Variants in DMD observed in about 807,000 individuals in gnomAD.
DMD encodes the protein mutant dystrophin.
A neutral mutation model predicts 330.1 loss-of-function variants in DMD; 63 were observed. The ratio of observed to expected loss-of-function variants is 0.19; its 90% CI spans 0.16 to 0.24. DMD has a LOEUF of 0.24. Among genes scored for constraint, DMD ranks in the 10% least tolerant of loss-of-function variants. The pLI, the probability that DMD is intolerant of heterozygous loss-of-function variation, is 1.00. For synonymous variants in DMD, 1,223 were observed against 959.8 expected, an observed-to-expected ratio of 1.27 and a Z score of -5.07; for missense variants, 3,344 against 2,684.1, an observed-to-expected ratio of 1.25 and a Z score of -5.43.
intron 9 of DMD, among the ~76,000 whole-genome samples, chrX:32,668,243 C>G (rs753279245): frequency 8.5e-4 from 95 of 111,825 alleles, no homozygotes; most frequent in African/African-American, 3.0e-3. Flanking sequence ...ATTTGCTTAT[C>G]AAATCTTGTT....
intron 49 of DMD, among the ~76,000 whole-genome samples, chrX:31,831,812 C>A (rs1023622082): frequency 8.9e-6 from 1 of 112,020 alleles, no homozygotes; most frequent in Admixed American, 9.4e-5. Flanking sequence ...CCATGTTAGC[C>A]AGGATGGTCT....
intron 44 of DMD, among the ~76,000 whole-genome samples, chrX:32,139,818 A>C (rs1017101254): frequency 2.7e-5 from 3 of 112,510 alleles, no homozygotes; most frequent in African/African-American, 9.7e-5. Flanking sequence ...CATTCTTAAA[A>C]CTTTATAGAA....
intron 47 of DMD, among the ~76,000 whole-genome samples, chrX:31,916,939 G>T (rs1348801743): frequency 8.9e-6 from 1 of 112,185 alleles, no homozygotes; most frequent in Non-Finnish European, 1.9e-5. Context: ...TTCTGTGGTC[G>T]GATGAATGTG....
chrX:31,241,498 A>G (rs752773902), intron 63 of DMD, among the ~76,000 whole-genome samples: 19 of 112,292 alleles, frequency 1.7e-4, no homozygotes, highest in South Asian at 1.1e-3. Flanking sequence ...ATGTAATTCA[A>G]TCAAATTCAT....
At chrX:33,239,026 G>C (rs971013452) in intron 1 of DMD, among the ~76,000 whole-genome samples, 2 of 109,787 alleles carry the variant, frequency 1.8e-5, no homozygotes, top group Non-Finnish European at 3.8e-5. Context: ...GGAGGCTGAG[G>C]GGGTTAGATC....
At chrX:31,938,313 C>T (rs915723899) in intron 45 of DMD, among the ~76,000 whole-genome samples, 4 of 111,658 alleles carry the variant, frequency 3.6e-5, no homozygotes, top group African/African-American at 9.8e-5. Context: ...CCAAAGGTGA[C>T]TATCCCATTT....
intron 9 of DMD, among the ~76,000 whole-genome samples, chrX:32,656,574 T>A (rs1441503696): frequency 8.9e-6 from 1 of 112,002 alleles, no homozygotes; most frequent in Non-Finnish European, 1.9e-5. Flanking sequence ...TATATGTGAG[T>A]TTAAAATAAA....
chrX:33,050,453 T>A (rs1026676612), intron 1 of DMD, among the ~76,000 whole-genome samples: 1 of 111,456 alleles, frequency 9.0e-6, no homozygotes, highest in Non-Finnish European at 1.9e-5. Flanking sequence ...CTGGAAAAAA[T>A]GCACGCAGAA....
At chrX:33,077,359 G>C (rs1335660760) in intron 1 of DMD, among the ~76,000 whole-genome samples, 1 of 111,357 alleles carries the variant, frequency 9.0e-6, no homozygotes, top group Non-Finnish European at 1.9e-5. Flanking sequence ...GAAGCAAGAT[G>C]GAGTCAGTTA....
At chrX:31,929,955 A>G (rs2094832638) in intron 46 of DMD, among the ~76,000 whole-genome samples, 1 of 111,471 alleles carries the variant, frequency 9.0e-6, no homozygotes. Context: ...TAGAAAATAA[A>G]CGATTATATT....
At chrX:32,333,631 G>A (rs771137711) in intron 41 of DMD, among the ~76,000 whole-genome samples, 11 of 110,415 alleles carry the variant, frequency 1.0e-4, no homozygotes, top group Admixed American at 4.8e-4. Flanking sequence ...TCGGAGTATT[G>A]GAATTTCTAT....
At chrX:32,099,398 A>G (rs1382852900) in intron 44 of DMD, among the ~76,000 whole-genome samples, 1 of 110,945 alleles carries the variant, frequency 9.0e-6, no homozygotes, top group Non-Finnish European at 1.9e-5. Context: ...CTGGGTATAT[A>G]CCCAAAGGAC....
intron 42 of DMD, among the ~76,000 whole-genome samples, chrX:32,307,465 A>C (rs1267551817): frequency 2.7e-5 from 3 of 111,965 alleles, no homozygotes; most frequent in Non-Finnish European, 5.7e-5. Context: ...CCCTAAGGCA[A>C]ACAGTCAGAG....
At chrX:31,216,476 G>A (rs756730759) in intron 64 of DMD, among the ~76,000 whole-genome samples, 4 of 112,359 alleles carry the variant, frequency 3.6e-5, no homozygotes, top group Non-Finnish European at 5.6e-5. Flanking sequence ...TCCTCAAGAC[G>A]TCTTAAACTC....
At chrX:32,120,959 A>G (rs371182350) in intron 44 of DMD, among the ~76,000 whole-genome samples, 2 of 112,450 alleles carry the variant, frequency 1.8e-5, no homozygotes, top group African/African-American at 6.5e-5. Context: ...TCAAATCCCA[A>G]TTGCAACCTG....
At chrX:31,809,460 G>A (rs1385923466) in intron 50 of DMD, among the ~76,000 whole-genome samples, 2 of 108,822 alleles carry the variant, frequency 1.8e-5, no homozygotes, top group Non-Finnish European at 3.8e-5. Flanking sequence ...TTTTCCTATT[G>A]TAGGTTTATA....
chrX:31,341,882 T>G (rs5927727), intron 61 of DMD, among the ~76,000 whole-genome samples: 62 of 82,708 alleles, frequency 7.5e-4, no homozygotes, highest in African/African-American at 3.1e-3. Flanking sequence ...CGCGCGTGCG[T>G]GCGCGCGCGC....
At chrX:32,511,812 T>C (rs1231325031) in intron 18 of DMD, among the ~76,000 whole-genome samples, 1 of 111,660 alleles carries the variant, frequency 9.0e-6, no homozygotes, top group Non-Finnish European at 1.9e-5. Context: ...TTTCATAACA[T>C]ACAGTTTTTA....
Position 31,201,158 on chromosome X carries a change from TACACACACACACAC to T in DMD, c.9807+2789_9807+2802del, listed in dbSNP as rs57235865. ...CTAGGCAACATGGCGAGAGACCCTG[TACACACACACACAC>T]ACACACACACACACACACACACACA... On this transcript the variant is annotated intron_variant, in intron 67 of 78. Coordinates refer to ENST00000357033, the MANE Select transcript of DMD (RefSeq NM_004006.3). Among the ~76,000 whole-genome samples, 175 of 98,302 alleles carry T rather than the reference TACACACACACACAC, an allele frequency of 1.8e-3. 1 individual carries two copies. The highest frequency in any genetic ancestry group is 6.3e-3 in the African/African-American group (163 of 25,951). 85.4% of individuals were successfully genotyped at this position (98,302 alleles called of 115,157 possible). A position where few individuals can be genotyped will look rare whatever the true frequency, so the allele number is the denominator to read the frequency against.
Sources: gnomAD v4.1 joint callset for allele counts (sites outside exome capture counted in the v4.1 genomes callset) on GRCh38, gnomAD v4.1.1 for gene constraint, MANE v1.5 for transcripts, NCBI Gene and HGNC (gene_info 2026-07-23, HGNC 2026-07-21) for gene names.